Variants in COL18A1 observed in about 807,000 individuals in gnomAD.
COL18A1 encodes collagen alpha-1(XVIII) chain.
In COL18A1, 133 loss-of-function variants were observed where a neutral mutation model predicts 168.0. The observed-to-expected ratio is 0.79, with a 90% CI of 0.69 to 0.91. COL18A1 has a LOEUF of 0.91. COL18A1 is among the 40% of genes least tolerant of loss of function. COL18A1 has a pLI of 0.00. For synonymous variants in COL18A1, 949 were observed against 809.0 expected (o/e 1.17, Z -2.94); for missense variants, 2,126 against 1,925.4 (o/e 1.10, Z -1.95).
chr21:45,434,201 G>GTT (rs1480925797), intron 2 of COL18A1, among the ~76,000 whole-genome samples: 18 of 152,060 alleles, frequency 1.2e-4, no homozygotes, highest in East Asian at 1.9e-4. Context: ...CTTCACCGGG[G>GTT]GGTGGTGATA....
chr21:45,434,533 G>T (rs1465617490), intron 2 of COL18A1, among the ~76,000 whole-genome samples: 5 of 152,184 alleles, frequency 3.3e-5, no homozygotes, highest in African/African-American at 1.2e-4. Flanking sequence ...GCTTCCCGTG[G>T]CTCTGTGAGC....
chr21:45,487,031 G>A, intron 16 of COL18A1, 39 bp downstream of exon 16: 1 of 1,479,038 alleles, frequency 6.8e-7, no homozygotes. Flanking sequence ...GAGAGCCGGG[G>A]GCTGCCGTTG....
chr21:45,477,151 G>C (rs564813025), intron 6 of COL18A1, among the ~76,000 whole-genome samples: 1 of 152,178 alleles, frequency 6.6e-6, no homozygotes, highest in Non-Finnish European at 1.5e-5. Context: ...ACAAATTCAG[G>C]AAGCATCTCC....
intron 2 of COL18A1, among the ~76,000 whole-genome samples, chr21:45,426,500 A>G (rs2033806119): frequency 1.3e-5 from 2 of 152,122 alleles, no homozygotes; most frequent in Admixed American, 1.3e-4. Context: ...GCCGAGATGG[A>G]GAAGCCCAAA....
At chr21:45,487,321 G>A in intron 16 of COL18A1, 126 bp from the exon 17 acceptor site, 1 of 1,140,182 alleles carries the variant, frequency 8.8e-7, no homozygotes, top group Non-Finnish European at 1.3e-6. Context: ...TCTGAGAACG[G>A]CGGCTCCCCA....
intron 17 of COL18A1, chr21:45,487,747 G>T: frequency 1.5e-6 from 1 of 667,142 alleles, no homozygotes; most frequent in Non-Finnish European, 2.8e-6. Flanking sequence ...GAGACACTGT[G>T]AGTGGTCAAG....
chr21:45,453,087 T>C (rs1315665580), intron 2 of COL18A1, among the ~76,000 whole-genome samples: 2 of 152,190 alleles, frequency 1.3e-5, no homozygotes, highest in Non-Finnish European at 2.9e-5. Context: ...CATGTGAGCA[T>C]TCATGTATGA....
chr21:45,513,532 C>G lies in COL18A1; in HGVS notation c.*1134C>G, dbSNP rs559974912. ...GTCAGTCACAGCCACCCCTGAGATC[C>G]GGCAACATCAACCCGAGTCATTCGT... On this transcript the variant is annotated 3_prime_UTR_variant, in exon 42 of 42. Coordinates refer to ENST00000651438, the MANE Select transcript of COL18A1 (RefSeq NM_001379500.1). The G allele has an allele frequency of 4.0e-5, 5 of 125,184 alleles. No individual in the cohort carries two copies. The highest frequency in any genetic ancestry group is 1.8e-4 in the African/African-American group (5 of 28,112). 7.8% of individuals were successfully genotyped at this position (125,184 alleles called of 1,614,324 possible).
At chr21:45,468,825 C>A in intron 3 of COL18A1, 39 bp downstream of exon 3, 1 of 651,692 alleles carries the variant, frequency 1.5e-6, no homozygotes, top group Non-Finnish European at 2.6e-6. Flanking sequence ...ACTGGAGCAG[C>A]TGGGATGGGG....
In COL18A1 at chr21:45,511,237, A is replaced by G. The variant is rs2037591069; in HGVS notation, c.3809+11A>G. The G allele has an allele frequency of 1.4e-6, 2 of 1,464,446 alleles. No homozygotes were observed. The highest frequency in any genetic ancestry group is 1.9e-6 in the Non-Finnish European group (2 of 1,061,050). The allele number at this position is 1,464,446 out of a possible 1,614,324, so 90.7% of individuals were successfully genotyped here. ...GAGGCACCCCACCTGGTAGGTTCCCAGTGCCGTGTGAGCAGCTCTGAGAGC... is the reference window on the plus strand; with the variant it reads ...GAGGCACCCCACCTGGTAGGTTCCCGGTGCCGTGTGAGCAGCTCTGAGAGC... On this transcript the variant is annotated intron_variant, in intron 41 of 41. Coordinates refer to ENST00000651438, the MANE Select transcript of COL18A1 (RefSeq NM_001379500.1).
intron 2 of COL18A1, among the ~76,000 whole-genome samples, chr21:45,408,786 G>C (rs112253173): frequency 0.012 from 1,882 of 152,310 alleles, 34 homozygotes; most frequent in African/African-American, 0.042. Context: ...ACCCGGCTGG[G>C]TCTGGCTGTG....
intron 32 of COL18A1, 105 bp downstream of exon 32, chr21:45,497,766 G>A: frequency 2.0e-6 from 3 of 1,467,420 alleles, no homozygotes; most frequent in South Asian, 2.4e-5. Flanking sequence ...GACCCTCACT[G>A]GGTGGTGACC....
intron 2 of COL18A1, among the ~76,000 whole-genome samples, chr21:45,446,839 G>T (rs1458089145): frequency 6.6e-6 from 1 of 152,138 alleles, no homozygotes; most frequent in Non-Finnish European, 1.5e-5. Context: ...ATTCAAGGTT[G>T]GTTTAACACT....
rs2035104527 is a variant in COL18A1, at chr21:45,463,378, A to G, written c.107-4864A>G. On this transcript the variant is annotated intron_variant, in intron 2 of 41. Transcript: ENST00000651438. This position sits in a 1 kb window ranked among gnomAD's most constrained non-coding sequence, Gnocchi z 4.0. Reference sequence around the variant, plus strand: ...GGTGGAGGATGGATGTGTGGCTGCTATTGTGCCAAGAGCTGGGGTTTAGCT... The same window carrying G: ...GGTGGAGGATGGATGTGTGGCTGCTGTTGTGCCAAGAGCTGGGGTTTAGCT... Among the ~76,000 whole-genome samples, 1 of 152,162 alleles carries G rather than the reference A, an allele frequency of 6.6e-6. No individual in the cohort carries two copies. The highest frequency in any genetic ancestry group is 1.5e-5 in the Non-Finnish European group (1 of 68,018).
At position 45,426,584 on chromosome 21, in the gene COL18A1, C is replaced by T. The variant is rs1037439607; in HGVS notation, c.106+21111C>T. Among the ~76,000 whole-genome samples, 8 of 151,960 alleles carry T rather than the reference C, an allele frequency of 5.3e-5. 1 individual carries two copies. Among genetic ancestry groups the T allele is most frequent in the Admixed American group, 4.6e-4 (7 of 15,266 alleles). On this transcript the variant is annotated intron_variant, in intron 2 of 41. Transcript: ENST00000651438. ...CCCTGCCACGCCCTGAGTGGGAGAG[C>T]GCAGGTCCCTTTCCGGCCCTGGAAG...
At position 45,453,413 on chromosome 21, in the gene COL18A1, G is replaced by A. The variant is rs367582855; in HGVS notation, c.107-14829G>A. 2.9e-4 allele frequency among the ~76,000 whole-genome samples: 44 copies of A among 152,358 alleles called. No homozygotes were observed. In the East Asian group the frequency reaches 3.7e-3, roughly 13 times the overall value. On this transcript the variant is annotated intron_variant, in intron 2 of 41. Coordinates refer to ENST00000651438, the MANE Select transcript of COL18A1 (RefSeq NM_001379500.1). ...TGTGTGCATATGTGGGTGTTCGTGT[G>A]TGAGCATGTGCGTACACATGCGTGC...
At chr21:45,485,598 G>T (rs1180204728) in intron 15 of COL18A1, among the ~76,000 whole-genome samples, 1 of 152,234 alleles carries the variant, frequency 6.6e-6, no homozygotes, top group Non-Finnish European at 1.5e-5. Context: ...CATGAAGTTA[G>T]CCCTCAAGTT....
At chr21:45,441,201 A>C (rs189582250) in intron 2 of COL18A1, among the ~76,000 whole-genome samples, 2 of 152,184 alleles carry the variant, frequency 1.3e-5, no homozygotes, top group Admixed American at 6.5e-5. Context: ...GCTCCCCTAC[A>C]CACAGAGGCT....
chr21:45,486,253 C>T (rs1033530547), intron 15 of COL18A1, among the ~76,000 whole-genome samples: 2 of 151,440 alleles, frequency 1.3e-5, no homozygotes, highest in East Asian at 3.9e-4. Flanking sequence ...CCTCTCTTCT[C>T]CCCTTGCCTG....
Sources: gnomAD v4.1 joint callset for allele counts (sites outside exome capture counted in the v4.1 genomes callset) on GRCh38, gnomAD v4.1.1 for gene constraint, Gnocchi (gnomAD v3.1) non-coding constraint, MANE v1.5 for transcripts, NCBI Gene and HGNC (gene_info 2026-07-23, HGNC 2026-07-21) for gene names.